The following EBF2 variants were observed in gnomAD, a reference collection of about 807,000 sequenced individuals.
EBF2 encodes the protein transcription factor COE2.
Under a neutral mutation model 72.8 loss-of-function variants are expected in EBF2, and 21 were observed. The observed-to-expected ratio is 0.29, with a 90% CI of 0.20 to 0.42. The LOEUF (loss-of-function observed/expected upper bound fraction) is 0.42, where lower values mean the gene tolerates loss of function less well. EBF2 is among the 10% of genes least tolerant of loss of function. EBF2 has a pLI of 1.00. For synonymous variants in EBF2, 299 were observed against 274.2 expected, an observed-to-expected ratio of 1.09 and a Z score of -0.89; for missense variants, 637 against 731.2, an observed-to-expected ratio of 0.87 and a Z score of 1.49.
chr8:25,927,618 C>T (rs1803407591), intron 6 of EBF2, among the ~76,000 whole-genome samples: 1 of 152,006 alleles, frequency 6.6e-6, no homozygotes, highest in Admixed American at 6.6e-5. Flanking sequence ...TCCTGGTGCA[C>T]ATTAAACCTC....
Position 25,877,446 on chromosome 8 carries a change from G to T in EBF2, c.1009+9309C>A, listed in dbSNP as rs775942402. 9.9e-5 allele frequency among the ~76,000 whole-genome samples: 15 copies of T among 152,198 alleles called. 1 individual carries two copies. Among genetic ancestry groups the T allele is most frequent in the Non-Finnish European group, 1.8e-4 (12 of 68,044 alleles). The stretch of plus-strand genomic sequence containing the variant: ...TCTCTCAATTGCGCAGAAGCAAGTT[G>T]CACGTTAGCAAACCACGGTTGGTGG... On this transcript the variant is annotated intron_variant, in intron 10 of 15. Coordinates refer to ENST00000520164, the MANE Select transcript of EBF2 (RefSeq NM_022659.4).
chr8:25,882,267 C>T (rs1050551088), intron 10 of EBF2, among the ~76,000 whole-genome samples: 6 of 152,142 alleles, frequency 3.9e-5, no homozygotes, highest in African/African-American at 7.2e-5. Flanking sequence ...ACTGAAGAAG[C>T]GAGCCACAGC....
At chr8:26,018,664 C>A (rs1229527187) in intron 6 of EBF2, among the ~76,000 whole-genome samples, 1 of 151,348 alleles carries the variant, frequency 6.6e-6, no homozygotes, top group Non-Finnish European at 1.5e-5. Context: ...GAGCAAGACT[C>A]CATCTCAAAA....
chr8:25,929,873 AGG>A (rs781699573), intron 6 of EBF2, among the ~76,000 whole-genome samples: 10 of 152,064 alleles, frequency 6.6e-5, no homozygotes, highest in Non-Finnish European at 1.2e-4. Context: ...CACACAAGAG[AGG>A]GGGAAAAACA....
intron 6 of EBF2, among the ~76,000 whole-genome samples, chr8:25,912,657 C>G (rs1803148339): frequency 6.6e-6 from 1 of 152,126 alleles, no homozygotes; most frequent in South Asian, 2.1e-4. Context: ...TTTATTTACT[C>G]ATTTGATCAA....
intron 6 of EBF2, among the ~76,000 whole-genome samples, chr8:25,987,624 C>T (rs1804481997): frequency 6.6e-6 from 1 of 152,192 alleles, no homozygotes; most frequent in South Asian, 2.1e-4. Flanking sequence ...GAAACTGAAG[C>T]ACACAAAGAT....
At chr8:26,024,763 T>C (rs997184629) in intron 6 of EBF2, among the ~76,000 whole-genome samples, 2 of 152,198 alleles carry the variant, frequency 1.3e-5, no homozygotes, top group Admixed American at 6.5e-5. Context: ...CCTGACTTTT[T>C]TTAAAGCATC....
In EBF2 at chr8:25,995,924, T is replaced by C. The variant is rs559401632; in HGVS notation, c.551+37161A>G. 2.0e-5 allele frequency among the ~76,000 whole-genome samples: 3 copies of C among 151,950 alleles called. No homozygotes were observed. In the East Asian group the frequency reaches 5.8e-4, roughly 29 times the overall value. Reference sequence around the variant, plus strand: ...AAAGTATTAGAATTCCAAAGAAAAATTGGCAGAAAAATAATTATAGCTAGA... The same window carrying C: ...AAAGTATTAGAATTCCAAAGAAAAACTGGCAGAAAAATAATTATAGCTAGA... On this transcript the variant is annotated intron_variant, in intron 6 of 15. Transcript: ENST00000520164.
At chr8:25,931,625 A>C (rs903583824) in intron 6 of EBF2, among the ~76,000 whole-genome samples, 1 of 152,224 alleles carries the variant, frequency 6.6e-6, no homozygotes, top group Non-Finnish European at 1.5e-5. Flanking sequence ...AAAACAGTTC[A>C]ATATCCCTTT....
chr8:26,034,100 A>T (rs895123243), intron 5 of EBF2, among the ~76,000 whole-genome samples: 2 of 152,250 alleles, frequency 1.3e-5, no homozygotes, highest in South Asian at 4.1e-4. Flanking sequence ...AATAGACTGC[A>T]AGTGGCTGCC....
At chr8:25,845,052 C>A (rs1167852278) in intron 15 of EBF2, among the ~76,000 whole-genome samples, 1 of 152,066 alleles carries the variant, frequency 6.6e-6, no homozygotes, top group Non-Finnish European at 1.5e-5. Flanking sequence ...AGGTGCTGAG[C>A]CTGTTGATTT....
At chr8:25,856,121 A>G (rs538656296) in intron 14 of EBF2, among the ~76,000 whole-genome samples, 8 of 152,188 alleles carry the variant, frequency 5.3e-5, no homozygotes, top group Non-Finnish European at 1.0e-4. Flanking sequence ...TAAGAAATTC[A>G]CACCTAACTG....
At chr8:26,005,830 CA>C (rs34153696) in intron 6 of EBF2, among the ~76,000 whole-genome samples, 111,741 of 118,622 alleles carry the variant, frequency 0.94, 52,554 homozygotes, top group East Asian at 0.98. Flanking sequence ...GACCAAGTCT[CA>C]AAAAAAAAAA....
intron 2 of EBF2, 67 bp from the exon 3 acceptor site, chr8:26,041,069 A>G: frequency 6.4e-7 from 1 of 1,565,460 alleles, no homozygotes; most frequent in African/African-American, 1.3e-5. Context: ...AAGAGGAGAC[A>G]GTGAATCCCC....
chr8:25,955,662 A>G (rs933609579), intron 6 of EBF2, among the ~76,000 whole-genome samples: 2 of 152,146 alleles, frequency 1.3e-5, no homozygotes, highest in Non-Finnish European at 2.9e-5. Context: ...AAGGAAGGAA[A>G]AAGGAGAGAG....
At chr8:25,906,105 T>G (rs1318361101) in intron 7 of EBF2, among the ~76,000 whole-genome samples, 2 of 152,258 alleles carry the variant, frequency 1.3e-5, no homozygotes, top group African/African-American at 4.8e-5. Flanking sequence ...TGCATTTGCT[T>G]TGTGAATATA....
chr8:25,858,381 T>C lies in EBF2; in HGVS notation c.1466A>G (p.Asn489Ser). The C allele has an allele frequency of 1.2e-6, 2 of 1,614,208 alleles. No individual in the cohort carries two copies. Among genetic ancestry groups the C allele is most frequent in the Non-Finnish European group, 1.7e-6 (2 of 1,180,040 alleles). The change falls in exon 14 of 16, where the codon AAC becomes AGC. Residue 489 changes from asparagine (N) to serine (S), a missense_variant. This residue lies in a region of EBF2 where 259 missense variants were observed against 268.1 expected (regional missense o/e 0.97). Transcript: ENST00000520164. ...TCCTGGTGAACCTGGAACACCCAAG[T>C]TGGCCATGGGGACATTGCTGTAGCC... The part of the protein sequence containing the change: ...MNGYSNVPMA[N>S]LGVPGSPGFL...
At chr8:26,027,320 AG>A (rs774176331) in intron 6 of EBF2, among the ~76,000 whole-genome samples, 2 of 152,098 alleles carry the variant, frequency 1.3e-5, no homozygotes, top group Non-Finnish European at 2.9e-5. Flanking sequence ...TTACTTCATG[AG>A]GCAGAGAAAG....
At chr8:25,955,200 C>T (rs1243022163) in intron 6 of EBF2, among the ~76,000 whole-genome samples, 1 of 152,232 alleles carries the variant, frequency 6.6e-6, no homozygotes, top group Non-Finnish European at 1.5e-5. Flanking sequence ...CCCTTGGGGA[C>T]GGGGCTTCCC....
Sources: allele counts gnomAD v4.1 joint callset (sites outside exome capture counted in the v4.1 genomes callset), GRCh38; gene constraint gnomAD v4.1.1; regional missense constraint gnomAD v4.1.1; transcripts MANE v1.5; gene names NCBI Gene and HGNC (gene_info 2026-07-23, HGNC 2026-07-21).